The following JAKMIP2 variants were observed in gnomAD, a reference collection of about 807,000 sequenced individuals.
JAKMIP2 encodes janus kinase and microtubule interacting protein 2.
Under a neutral mutation model 115.0 loss-of-function variants are expected in JAKMIP2, and 25 were observed. The observed-to-expected ratio is 0.22, with a 90% CI of 0.16 to 0.30. The LOEUF (loss-of-function observed/expected upper bound fraction) is 0.30, where lower values mean the gene tolerates loss of function less well. JAKMIP2 is among the 10% of genes least tolerant of loss of function. The pLI is 1.00. For synonymous variants in JAKMIP2, 334 were observed against 343.6 expected, an observed-to-expected ratio of 0.97 and a Z score of 0.31; for missense variants, 642 against 957.6, an observed-to-expected ratio of 0.67 and a Z score of 4.35.
Position 147,637,043 on chromosome 5 carries a change from T to C in JAKMIP2, c.1536A>G (p.Gln512=), listed in dbSNP as rs1175152166. ...IIDAEREAKA[Q]EQLQAEVLRY... ...TTAGCACCTCTGCTTGGAGCTGTTC[T>C]TGAGCCTGGTGAAACCAAAATTCCA... Residue 512 remains glutamine (Q), a synonymous_variant, in exon 11 of 22, where the codon CAA becomes CAG. Coordinates refer to ENST00000616793, the MANE Select transcript of JAKMIP2 (RefSeq NM_001270941.2). 1.1e-6 allele frequency: 1 copy of C among 872,836 alleles called. No homozygotes were observed. Among genetic ancestry groups the C allele is most frequent in the Admixed American group, 1.7e-5 (1 of 59,158 alleles). The allele number at this position is 872,836 out of a possible 1,614,324, so 54.1% of individuals were successfully genotyped here. A position where few individuals can be genotyped will look rare whatever the true frequency, so the allele number is the denominator to read the frequency against.
chr5:147,719,826 T>C (rs1753186382), intron 1 of JAKMIP2, among the ~76,000 whole-genome samples: 2 of 152,182 alleles, frequency 1.3e-5, no homozygotes. Flanking sequence ...TGTCTTTTAA[T>C]TGGAGCATTT....
chr5:147,627,384 G>C (rs1757144959), intron 16 of JAKMIP2, among the ~76,000 whole-genome samples: 1 of 151,986 alleles, frequency 6.6e-6, no homozygotes, highest in African/African-American at 2.4e-5. Context: ...AAAGGACCAA[G>C]AGTGGAGAAT....
intron 1 of JAKMIP2, among the ~76,000 whole-genome samples, chr5:147,743,397 T>G (rs1754224371): frequency 6.6e-6 from 1 of 152,234 alleles, no homozygotes; most frequent in South Asian, 2.1e-4. Flanking sequence ...AGAAATCTTT[T>G]AATTAGAATC....
At chr5:147,618,206 G>A (rs1000274770) in intron 18 of JAKMIP2, 92 bp from the exon 19 acceptor site, 31 of 896,726 alleles carry the variant, frequency 3.5e-5, no homozygotes, top group Non-Finnish European at 3.1e-5. Context: ...GTATATGGCT[G>A]CCAACTTTAG....
chr5:147,746,535 T>G (rs1030852653), intron 1 of JAKMIP2, among the ~76,000 whole-genome samples: 1 of 151,514 alleles, frequency 6.6e-6, no homozygotes, highest in African/African-American at 2.4e-5. Context: ...AATATATAAT[T>G]TATAAAATTT....
intron 1 of JAKMIP2, among the ~76,000 whole-genome samples, chr5:147,700,259 T>G (rs546190718): frequency 6.6e-6 from 1 of 151,988 alleles, no homozygotes; most frequent in African/African-American, 2.4e-5. Context: ...ATAAGGGATA[T>G]AAACAAAGAA....
At chr5:147,727,496 C>T (rs1198118281) in intron 1 of JAKMIP2, among the ~76,000 whole-genome samples, 1 of 152,136 alleles carries the variant, frequency 6.6e-6, no homozygotes, top group Non-Finnish European at 1.5e-5. Context: ...CTTCACATGG[C>T]AGCAGGAGAG....
chr5:147,756,255 A>G (rs898664884), intron 1 of JAKMIP2, among the ~76,000 whole-genome samples: 1 of 152,134 alleles, frequency 6.6e-6, no homozygotes, highest in African/African-American at 2.4e-5. Flanking sequence ...GACAACTTGT[A>G]TTTGTGTTGT....
At chr5:147,748,483 C>CA (rs1754433885) in intron 1 of JAKMIP2, among the ~76,000 whole-genome samples, 1 of 151,364 alleles carries the variant, frequency 6.6e-6, no homozygotes, top group African/African-American at 2.4e-5. Flanking sequence ...AGCCCCAAAT[C>CA]ATTTCTTTTC....
intron 2 of JAKMIP2, among the ~76,000 whole-genome samples, chr5:147,664,016 T>C (rs1301607091): frequency 3.3e-5 from 5 of 152,248 alleles, no homozygotes; most frequent in African/African-American, 1.2e-4. Flanking sequence ...AATATCTCCT[T>C]TATCGTTTTT....
chr5:147,617,499 A>T (rs1431317367), intron 19 of JAKMIP2, among the ~76,000 whole-genome samples: 1 of 152,148 alleles, frequency 6.6e-6, no homozygotes, highest in Non-Finnish European at 1.5e-5. Context: ...TTGTAATGTG[A>T]ACGGTCCTTG....
chr5:147,616,560 A>G (rs142282769), intron 19 of JAKMIP2, among the ~76,000 whole-genome samples: 136 of 152,318 alleles, frequency 8.9e-4, no homozygotes, highest in African/African-American at 3.2e-3. Context: ...ATAACTCCCA[A>G]TTTGTTGAAA....
intron 1 of JAKMIP2, among the ~76,000 whole-genome samples, chr5:147,715,347 A>G (rs1490467633): frequency 6.6e-6 from 1 of 151,866 alleles, no homozygotes; most frequent in Non-Finnish European, 1.5e-5. Context: ...TATACCAATT[A>G]AAAGATAGAA....
rs1581303552 is a variant in JAKMIP2 at position 147,620,625 on chromosome 5, C to T, written c.2142+41G>A. The T allele has an allele frequency of 2.9e-6, 4 of 1,390,126 alleles. No individual in the cohort carries two copies. In the East Asian group the frequency reaches 9.2e-5, roughly 32 times the overall value. The allele number at this position is 1,390,126 out of a possible 1,614,324, so 86.1% of individuals were successfully genotyped here. On this transcript the variant is annotated intron_variant, in intron 18 of 21. Coordinates refer to ENST00000616793, the MANE Select transcript of JAKMIP2 (RefSeq NM_001270941.2). ...GGATACTTAATTCCACAGTGCATAA[C>T]TGTAAATACTGCGGGTGTCTCTATC... is the stretch of plus-strand genomic sequence containing the variant.
intron 20 of JAKMIP2, among the ~76,000 whole-genome samples, chr5:147,610,187 C>T (rs147176345): frequency 0.011 from 1,722 of 152,252 alleles, 27 homozygotes; most frequent in Non-Finnish European, 0.019. Flanking sequence ...TCTGTCAATT[C>T]GTCAAACTAA....
Position 147,671,970 on chromosome 5 carries a change from G to A in JAKMIP2, c.-148-16C>T. The A allele has an allele frequency of 1.6e-6, 2 of 1,262,234 alleles. No individual in the cohort carries two copies. Among genetic ancestry groups the A allele is most frequent in the South Asian group, 3.0e-5 (1 of 33,822 alleles). The allele number at this position is 1,262,234 out of a possible 1,614,324, so 78.2% of individuals were successfully genotyped here. A position where few individuals can be genotyped will look rare whatever the true frequency, so the allele number is the denominator to read the frequency against. On this transcript the variant is annotated splice_polypyrimidine_tract_variant and intron_variant, in intron 1 of 21. Transcript: ENST00000616793. ...CCTGGAAGCCCTGAGAAGAGGCAGAGATAGTAGTTATTGTTTTGGCAAAGA... is the reference window on the plus strand; with the variant it reads ...CCTGGAAGCCCTGAGAAGAGGCAGAAATAGTAGTTATTGTTTTGGCAAAGA...
chr5:147,743,895 G>A (rs1754241324), intron 1 of JAKMIP2, among the ~76,000 whole-genome samples: 1 of 152,020 alleles, frequency 6.6e-6, no homozygotes, highest in Non-Finnish European at 1.5e-5. Context: ...CTAATCAGAA[G>A]GCTGAATCCA....
At chr5:147,595,368 T>A (rs963758498) in intron 21 of JAKMIP2, 3 of 449,674 alleles carry the variant, frequency 6.7e-6, no homozygotes, top group African/African-American at 6.0e-5. Flanking sequence ...ATGAAAGAGC[T>A]GGAGAGAACT....
intron 8 of JAKMIP2, among the ~76,000 whole-genome samples, chr5:147,641,200 A>G (rs879666382): frequency 3.9e-5 from 6 of 152,216 alleles, no homozygotes; most frequent in African/African-American, 9.6e-5. Context: ...AAGCCTTGTC[A>G]TCCAAGTCCA....
Sources: allele counts gnomAD v4.1 joint callset (sites outside exome capture counted in the v4.1 genomes callset), GRCh38; gene constraint gnomAD v4.1.1; transcripts MANE v1.5; gene names NCBI Gene and HGNC (gene_info 2026-07-23, HGNC 2026-07-21).